The following SLC7A8 variants were observed in gnomAD, a reference collection of about 807,000 sequenced individuals.
The protein encoded by SLC7A8 is large neutral amino acids transporter small subunit 2.
SLC7A8 carries 30 observed loss-of-function variants against 51.2 expected under a neutral mutation model. The observed-to-expected ratio is 0.59, with a 90% confidence interval of 0.44 to 0.80. The LOEUF is 0.80. Ranked by LOEUF, SLC7A8 falls within the 30% of genes least tolerant of loss-of-function variation. SLC7A8 has a pLI of 0.00. For missense variants in SLC7A8, 612 were observed against 674.4 expected (o/e 0.91, Z 1.03); for synonymous variants, 257 against 275.8 (o/e 0.93, Z 0.67).
In SLC7A8 at chr14:23,131,274, C is replaced by A. The variant is rs555955447; in HGVS notation, c.1113+187G>T. Among the ~76,000 whole-genome samples, 6 of 152,282 alleles carry A rather than the reference C, an allele frequency of 3.9e-5. No individual in the cohort carries two copies. The East Asian group carries it at 1.2e-3, about 29-fold the overall frequency. On this transcript the variant is annotated intron_variant, in intron 8 of 10. Coordinates refer to ENST00000316902, the MANE Select transcript of SLC7A8 (RefSeq NM_012244.4). ...AGGTATTTCAAGACTCAGGATCTTT[C>A]CTTGCTATATCTCTTGATATTAACA...
chr14:23,131,846 G>C (rs763480495), intron 7 of SLC7A8, among the ~76,000 whole-genome samples: 1 of 152,186 alleles, frequency 6.6e-6, no homozygotes, highest in Non-Finnish European at 1.5e-5. Flanking sequence ...TCACTCAGTG[G>C]GGTGTTCCCA....
chr14:23,182,820 C>T lies in SLC7A8; in HGVS notation c.95G>A (p.Gly32Asp), dbSNP rs1286063777. The change falls in exon 1 of 11, where the codon GGC becomes GAC. Residue 32 changes from glycine (G) to aspartate (D), a missense_variant. Coordinates refer to ENST00000316902, the MANE Select transcript of SLC7A8 (RefSeq NM_012244.4). ...GATCTCTTTCTTCAGGGCTACTCCG[C>T]CCCCTCCGGAACCAGCCTCGGGGCT... ...DASPEAGSGG[G>D]GVALKKEIGL... 2 of 1,613,386 alleles carry T rather than the reference C, an allele frequency of 1.2e-6. No individual in the cohort carries two copies. Among genetic ancestry groups the T allele is most frequent in the Admixed American group, 3.3e-5 (2 of 59,886 alleles).
chr14:23,162,064 G>A (rs2048927122), intron 3 of SLC7A8, among the ~76,000 whole-genome samples: 1 of 151,288 alleles, frequency 6.6e-6, no homozygotes, highest in African/African-American at 2.4e-5. Context: ...AGGATTTGAG[G>A]GGCCTATAGA....
Position 23,182,819 on chromosome 14 carries a change from G to C in SLC7A8, c.96C>G (p.Gly32=). The C allele has an allele frequency of 6.2e-7, 1 of 1,613,262 alleles. No individual in the cohort carries two copies. Among genetic ancestry groups the C allele is most frequent in the Non-Finnish European group, 8.5e-7 (1 of 1,179,664 alleles). The change falls in exon 1 of 11, where the codon GGC becomes GGG. Residue 32 remains glycine, a synonymous_variant. Coordinates refer to ENST00000316902, the MANE Select transcript of SLC7A8 (RefSeq NM_012244.4). ...DASPEAGSGG[G]GVALKKEIGL... ...CGATCTCTTTCTTCAGGGCTACTCC[G>C]CCCCCTCCGGAACCAGCCTCGGGGC...
intron 1 of SLC7A8, among the ~76,000 whole-genome samples, chr14:23,168,119 GATA>G (rs2140336434): frequency 6.6e-6 from 1 of 152,274 alleles, no homozygotes; most frequent in South Asian, 2.1e-4. Context: ...TCAAATTAGT[GATA>G]ATAATTATCA....
intron 7 of SLC7A8, among the ~76,000 whole-genome samples, chr14:23,135,275 G>A (rs1420822523): frequency 6.6e-6 from 1 of 151,622 alleles, no homozygotes; most frequent in Non-Finnish European, 1.5e-5. Context: ...TTTTTTAGTA[G>A]AGGTGGGGTT....
At position 23,128,271 on chromosome 14, in the gene SLC7A8, C is replaced by G. The variant is rs1303634326; in HGVS notation, c.1264-75G>C. 3 of 1,583,454 alleles carry G rather than the reference C, an allele frequency of 1.9e-6. No homozygotes were observed. Among genetic ancestry groups the G allele is most frequent in the African/African-American group, 2.7e-5 (2 of 74,546 alleles). ...CCAGGACTAGGGACTGGGGCATTCTCTCTCTTCTTCACCCACAGAGACACA... is the reference window on the plus strand; with the variant it reads ...CCAGGACTAGGGACTGGGGCATTCTGTCTCTTCTTCACCCACAGAGACACA... On this transcript the variant is annotated intron_variant, in intron 9 of 10. Transcript: ENST00000316902. The surrounding 1 kb of genome is among the most constrained non-coding windows in gnomAD (Gnocchi z 4.3).
At chr14:23,139,569 G>A (rs750569804) in intron 5 of SLC7A8, 22 bp from the exon 6 acceptor site, 2 of 1,608,092 alleles carry the variant, frequency 1.2e-6, no homozygotes, top group African/African-American at 2.7e-5. Context: ...GAGGAGGTGA[G>A]GGGAAGGGCT....
chr14:23,129,924 A>C, intron 8 of SLC7A8, 125 bp from the exon 9 acceptor site: 1 of 1,067,176 alleles, frequency 9.4e-7, no homozygotes, highest in South Asian at 1.5e-5. Flanking sequence ...CTCGAAATGG[A>C]GACTTTAGAA....
intron 3 of SLC7A8, among the ~76,000 whole-genome samples, chr14:23,150,974 G>A (rs1156295348): frequency 4.6e-5 from 7 of 152,222 alleles, no homozygotes; most frequent in South Asian, 2.1e-4. Context: ...ACAGGCTAAC[G>A]CACTGGACCA....
intron 3 of SLC7A8, among the ~76,000 whole-genome samples, chr14:23,164,432 T>C (rs2048938523): frequency 1.3e-5 from 2 of 152,204 alleles, no homozygotes; most frequent in South Asian, 4.1e-4. Context: ...GGGCAAGTCA[T>C]TTGCCTGGCT....
At chr14:23,138,611 T>C (rs2048713420) in intron 6 of SLC7A8, among the ~76,000 whole-genome samples, 1 of 151,906 alleles carries the variant, frequency 6.6e-6, no homozygotes, top group African/African-American at 2.4e-5. Flanking sequence ...GAGTTGGGGG[T>C]AAAATAATAG....
At chr14:23,173,715 C>G (rs1396902756) in intron 1 of SLC7A8, among the ~76,000 whole-genome samples, 1 of 152,022 alleles carries the variant, frequency 6.6e-6, no homozygotes, top group African/African-American at 2.4e-5. Flanking sequence ...AATCACAGCT[C>G]ACTGCAACCT....
intron 3 of SLC7A8, among the ~76,000 whole-genome samples, chr14:23,157,912 G>A (rs76679690): frequency 0.013 from 2,025 of 152,262 alleles, 57 homozygotes; most frequent in African/African-American, 0.047. Flanking sequence ...CTGGACTGTG[G>A]GTTCCTTGGT....
At chr14:23,145,878 G>A (rs1327239564) in intron 3 of SLC7A8, among the ~76,000 whole-genome samples, 1 of 152,212 alleles carries the variant, frequency 6.6e-6, no homozygotes, top group Non-Finnish European at 1.5e-5. Flanking sequence ...TGTCATGCAA[G>A]GAGAAGCAAA....
chr14:23,181,462 A>C (rs1348323660), intron 1 of SLC7A8, among the ~76,000 whole-genome samples: 1 of 107,250 alleles, frequency 9.3e-6, no homozygotes, highest in Non-Finnish European at 1.8e-5. Context: ...TGGGGGGGGG[A>C]TGGGATTTCA....
chr14:23,151,030 G>A (rs1256773553), intron 3 of SLC7A8, among the ~76,000 whole-genome samples: 1 of 152,204 alleles, frequency 6.6e-6, no homozygotes, highest in Non-Finnish European at 1.5e-5. Flanking sequence ...GTTTCCACTA[G>A]TGAAGAAAAT....
At chr14:23,158,452 T>C (rs1310257085) in intron 3 of SLC7A8, among the ~76,000 whole-genome samples, 2 of 152,154 alleles carry the variant, frequency 1.3e-5, no homozygotes, top group African/African-American at 4.8e-5. Flanking sequence ...TTCAAGTGAT[T>C]CTCCTACCTC....
chr14:23,131,366 T>TA, intron 8 of SLC7A8, 95 bp downstream of exon 8: 1 of 1,019,528 alleles, frequency 9.8e-7, no homozygotes, highest in Non-Finnish European at 1.4e-6. Context: ...ACTGCAAGGG[T>TA]AACAGGGGTG....
Sources: allele counts gnomAD v4.1 joint callset (sites outside exome capture counted in the v4.1 genomes callset), GRCh38; gene constraint gnomAD v4.1.1; non-coding constraint Gnocchi (gnomAD v3.1); transcripts MANE v1.5; gene names NCBI Gene and HGNC (gene_info 2026-07-23, HGNC 2026-07-21).